The following PLTP variants were observed in gnomAD, a reference collection of about 807,000 sequenced individuals.
PLTP encodes the protein BPI fold containing family E.
PLTP carries 43 observed loss-of-function variants against 54.1 expected under a neutral mutation model. The ratio of observed to expected loss-of-function variants is 0.79; its 90% CI spans 0.62 to 1.02. The LOEUF (loss-of-function observed/expected upper bound fraction) is 1.02, where lower values mean the gene tolerates loss of function less well. PLTP is among the 50% of genes least tolerant of loss of function. The pLI, the probability that PLTP is intolerant of heterozygous loss-of-function variation, is 0.00. For missense variants in PLTP, 604 were observed against 645.9 expected (o/e 0.94, Z 0.70); for synonymous variants, 263 against 264.6 (o/e 0.99, Z 0.06).
At chr20:45,899,812 G>GGCCCC in intron 13 of PLTP, 24 bp downstream of exon 13, 1 of 309,344 alleles carries the variant, frequency 3.2e-6, no homozygotes, top group Non-Finnish European at 6.2e-6. Flanking sequence ...ACCCAGCCCA[G>GGCCCC]CCCACCCACC....
Position 45,908,318 on chromosome 20 carries a change from G to A in PLTP, c.486-414C>T, listed in dbSNP as rs565869974. 2.4e-3 allele frequency among the ~76,000 whole-genome samples: 361 copies of A among 151,958 alleles called. 2 individuals are homozygous for A. Among genetic ancestry groups the A allele is most frequent in the African/African-American group, 8.5e-3 (351 of 41,404 alleles). ...GCATTTTCTTAGTCCTTCTCTCCAGGCCCTGATATCAAATGTTTTTTGCTC... is the reference window on the plus strand; with the variant it reads ...GCATTTTCTTAGTCCTTCTCTCCAGACCCTGATATCAAATGTTTTTTGCTC... On this transcript the variant is annotated intron_variant, in intron 5 of 15. Transcript: ENST00000372431.
intron 7 of PLTP, among the ~76,000 whole-genome samples, chr20:45,906,734 T>C (rs62213323): frequency 0.26 from 33,501 of 127,696 alleles, 6,428 homozygotes; most frequent in Middle Eastern, 0.42. Flanking sequence ...CTACTAAAAA[T>C]ACAAAAATTA....
chr20:45,902,933 T>C (rs910380477), intron 10 of PLTP, among the ~76,000 whole-genome samples: 2 of 152,226 alleles, frequency 1.3e-5, no homozygotes, highest in Non-Finnish European at 2.9e-5. Context: ...ATATGGAGTC[T>C]CACTTTGTTG....
intron 3 of PLTP, chr20:45,910,734 T>G: frequency 1.3e-6 from 1 of 746,042 alleles, no homozygotes; most frequent in Non-Finnish European, 1.8e-6. Flanking sequence ...CTAAGCTCCG[T>G]CTCACATCTC....
Position 45,902,513 on chromosome 20 carries a change from G to A in PLTP, c.1034C>T (p.Ser345Phe), listed in dbSNP as rs377317376. 39 of 1,614,082 alleles carry A rather than the reference G, an allele frequency of 2.4e-5. No individual in the cohort carries two copies. Among genetic ancestry groups the A allele is most frequent in the Non-Finnish European group, 3.1e-5 (36 of 1,179,994 alleles). The change falls in exon 11 of 16, where the codon TCT (serine) becomes TTT (phenylalanine). Residue 345 changes from serine to phenylalanine, a missense_variant. By Grantham distance (155) the Ser-to-Phe change is radical. Coordinates refer to ENST00000372431, the MANE Select transcript of PLTP (RefSeq NM_006227.4). ...CTIKPSGTTISVTASVTIALV... is the reference protein window; with the variant it reads ...CTIKPSGTTIFVTASVTIALV... ...GGCAATGGTGACGCTAGCAGTGACAGAGATGGTGGTGCCAGAGGGCTTGAT... is the reference window on the plus strand; with the variant it reads ...GGCAATGGTGACGCTAGCAGTGACAAAGATGGTGGTGCCAGAGGGCTTGAT...
intron 7 of PLTP, among the ~76,000 whole-genome samples, chr20:45,906,708 C>G (rs548198003): frequency 4.6e-5 from 7 of 151,024 alleles, no homozygotes; most frequent in Non-Finnish European, 8.9e-5. Flanking sequence ...TGGTCCACCA[C>G]GGTGAAACCC....
intron 12 of PLTP, 140 bp from the exon 13 acceptor site, chr20:45,900,018 C>T (rs1163852735): frequency 2.0e-5 from 15 of 738,668 alleles, no homozygotes; most frequent in Non-Finnish European, 1.7e-5. Context: ...TACAACTTTC[C>T]AGGTATCCTC....
At position 45,902,423 on chromosome 20, in the gene PLTP, C is replaced by A; in HGVS notation, c.1107+17G>T. On this transcript the variant is annotated intron_variant, in intron 11 of 15. Transcript: ENST00000372431. The stretch of plus-strand genomic sequence containing the variant: ...TCCCTGACCCCCAGCCAGCAGCCCC[C>A]ACTCTGGGACCCGTACCATAGTCAT... 1 of 1,614,208 alleles carries A rather than the reference C, an allele frequency of 6.2e-7. No individual in the cohort carries two copies. Among genetic ancestry groups the A allele is most frequent in the Admixed American group, 1.7e-5 (1 of 60,036 alleles).
Position 45,904,784 on chromosome 20 carries a change from C to T in PLTP, c.942+16G>A, listed in dbSNP as rs1161930501. 2 of 1,613,814 alleles carry T rather than the reference C, an allele frequency of 1.2e-6. No individual in the cohort carries two copies. On this transcript the variant is annotated intron_variant, in intron 10 of 15. Transcript: ENST00000372431. ...GGTGTGCAGGTGGCCCTATCCCTGCCCCCGCCAGCACTCACCAGCAGGACA... is the reference window on the plus strand; with the variant it reads ...GGTGTGCAGGTGGCCCTATCCCTGCTCCCGCCAGCACTCACCAGCAGGACA...
At chr20:45,911,537 G>T (rs900760829) in intron 1 of PLTP, 74 bp from the exon 2 acceptor site, 1 of 1,585,794 alleles carries the variant, frequency 6.3e-7, no homozygotes. Flanking sequence ...ACCATAAGTG[G>T]GAACTAGCCT....
At chr20:45,902,368 C>T (rs368694282) in intron 11 of PLTP, 34 bp from the exon 12 acceptor site, 135 of 1,613,932 alleles carry the variant, frequency 8.4e-5, no homozygotes, top group Non-Finnish European at 1.1e-4. Flanking sequence ...TGTTACTGAC[C>T]CAGAAGGTCA....
intron 12 of PLTP, among the ~76,000 whole-genome samples, chr20:45,900,884 T>G (rs1294598002): frequency 6.6e-6 from 1 of 152,182 alleles, no homozygotes; most frequent in Non-Finnish European, 1.5e-5. Flanking sequence ...TACCAACTGG[T>G]TTAGTCCTCA....
Position 45,911,466 on chromosome 20 carries a change from GGGGGT to G in PLTP, c.-11-8_-11-4del. On this transcript the variant is annotated splice_polypyrimidine_tract_variant and splice_region_variant and intron_variant, in intron 1 of 15. Transcript: ENST00000372431. Reference sequence around the variant, plus strand: ...GAAGAGGGCCATGGCGAGCGGGCCTGGGGGTGGGGTGGGGTCGCAGGAGTTATCTG... The same window carrying G: ...GAAGAGGGCCATGGCGAGCGGGCCTGGGGGTGGGGTCGCAGGAGTTATCTG... The G allele has an allele frequency of 1.2e-6, 2 of 1,601,774 alleles. No individual in the cohort carries two copies. The highest frequency in any genetic ancestry group is 1.7e-6 in the Non-Finnish European group (2 of 1,179,832).
intron 1 of PLTP, 165 bp from the exon 2 acceptor site, chr20:45,911,628 G>T: frequency 1.1e-6 from 1 of 898,608 alleles, no homozygotes; most frequent in Non-Finnish European, 1.7e-6. Flanking sequence ...GGAAACTGAG[G>T]CTCAGAGAGG....
In PLTP at chr20:45,899,894, G is replaced by A. The variant is rs1568770212; in HGVS notation, c.1176-16C>T. The A allele has an allele frequency of 7.0e-7, 1 of 1,421,462 alleles. No homozygotes were observed. The highest frequency in any genetic ancestry group is 2.3e-5 in the Admixed American group (1 of 44,064). 88.1% of individuals were successfully genotyped at this position (1,421,462 alleles called of 1,614,324 possible). On this transcript the variant is annotated splice_polypyrimidine_tract_variant and intron_variant, in intron 12 of 15. Coordinates refer to ENST00000372431, the MANE Select transcript of PLTP (RefSeq NM_006227.4). ...GATTCGGAACCTGCGGGAAAGAAAG[G>A]AGCCCTGTGGGCAGGAAGCCTGGAA...
chr20:45,902,335 C>T lies in PLTP; in HGVS notation c.1108-1G>A, dbSNP rs1425973798. ...CCATCTTGGCGCTGAGACGGGCGTCCTGCAGGAACATGGGGAGGAGGATGT... is the reference window on the plus strand; with the variant it reads ...CCATCTTGGCGCTGAGACGGGCGTCTTGCAGGAACATGGGGAGGAGGATGT... On this transcript the variant is annotated splice_acceptor_variant, in intron 11 of 15. Transcript: ENST00000372431. LOFTEE classifies it high-confidence loss of function. 3 of 1,614,192 alleles carry T rather than the reference C, an allele frequency of 1.9e-6. No individual in the cohort carries two copies. Among genetic ancestry groups the T allele is most frequent in the Admixed American group, 1.7e-5 (1 of 60,028 alleles).
At chr20:45,902,390 C>T (rs746748084) in intron 11 of PLTP, 50 bp downstream of exon 11, 1 of 1,613,936 alleles carries the variant, frequency 6.2e-7, no homozygotes, top group East Asian at 2.2e-5. Context: ...TAACCCACAG[C>T]CCATTTTTCC....
chr20:45,910,550 G>T (rs1053117221), intron 3 of PLTP, among the ~76,000 whole-genome samples: 1 of 151,646 alleles, frequency 6.6e-6, no homozygotes, highest in African/African-American at 2.4e-5. Flanking sequence ...GGGATGCGGA[G>T]GTTGCAGTGA....
chr20:45,907,220 G>A (rs1241748923), intron 7 of PLTP, among the ~76,000 whole-genome samples: 1 of 150,954 alleles, frequency 6.6e-6, no homozygotes, highest in African/African-American at 2.4e-5. Context: ...CCAGCTACTC[G>A]AGATGCTGAG....
Sources: allele counts gnomAD v4.1 joint callset (sites outside exome capture counted in the v4.1 genomes callset), GRCh38; gene constraint gnomAD v4.1.1; transcripts MANE v1.5; gene names NCBI Gene and HGNC (gene_info 2026-07-23, HGNC 2026-07-21).